Variants in PCDH9 observed in about 807,000 individuals in gnomAD.
The protein encoded by PCDH9 is protocadherin-9.
A neutral mutation model predicts 70.6 loss-of-function variants in PCDH9; 24 were observed. The observed-to-expected ratio is 0.34, with a 90% CI of 0.25 to 0.48. The LOEUF is 0.48. Among genes scored for constraint, PCDH9 ranks in the 20% least tolerant of loss-of-function variants. PCDH9 has a pLI of 0.99. For synonymous variants in PCDH9, 562 were observed against 558.5 expected, an observed-to-expected ratio of 1.01 and a Z score of -0.09; for missense variants, 1,281 against 1,503.6, an observed-to-expected ratio of 0.85 and a Z score of 2.45.
chr13:66,888,902 T>C (rs1249983063), intron 3 of PCDH9, among the ~76,000 whole-genome samples: 1 of 152,182 alleles, frequency 6.6e-6, no homozygotes, highest in East Asian at 1.9e-4. Flanking sequence ...AATAATTTTC[T>C]ATAATTGTGC....
rs1377608223 is a variant in PCDH9 at position 67,225,981 on chromosome 13, G to A, written c.2460C>T (p.Ile820=). ...EDYLTIMIAI[I]AGAMVVIVVI... The stretch of plus-strand genomic sequence containing the variant: ...CAACAATGACCACCATGGCACCGGC[G>A]ATGATGGCAATCATGATGGTTAGAT... Residue 820 remains isoleucine (I), a synonymous_variant, in exon 2 of 5, where the codon ATC becomes ATT. Coordinates refer to ENST00000377865, the MANE Select transcript of PCDH9 (RefSeq NM_203487.3). 1.2e-6 allele frequency: 2 copies of A among 1,613,886 alleles called. No individual in the cohort carries two copies. The highest frequency in any genetic ancestry group is 1.7e-6 in the Non-Finnish European group (2 of 1,179,816).
At chr13:66,408,370 T>C (rs7319122) in intron 4 of PCDH9, among the ~76,000 whole-genome samples, 54 of 152,328 alleles carry the variant, frequency 3.5e-4, no homozygotes, top group African/African-American at 1.2e-3. Context: ...CCCAATTTCC[T>C]TAACAGGGAT....
chr13:66,420,590 G>A (rs1277901683), intron 4 of PCDH9, among the ~76,000 whole-genome samples: 1 of 152,142 alleles, frequency 6.6e-6, no homozygotes, highest in Non-Finnish European at 1.5e-5. Flanking sequence ...GCACAAGAGA[G>A]GCCTGACTGT....
intron 4 of PCDH9, among the ~76,000 whole-genome samples, chr13:66,352,798 T>C (rs1049895427): frequency 1.3e-5 from 2 of 152,208 alleles, no homozygotes; most frequent in African/African-American, 4.8e-5. Flanking sequence ...TTATAAACAA[T>C]AGCTAAAAGT....
At chr13:66,528,841 G>A (rs1175396154) in intron 4 of PCDH9, among the ~76,000 whole-genome samples, 1 of 152,006 alleles carries the variant, frequency 6.6e-6, no homozygotes, top group Non-Finnish European at 1.5e-5. Flanking sequence ...CCAAATGAAT[G>A]CATCACTCTA....
chr13:67,087,086 G>GT (rs1490737244), intron 2 of PCDH9, among the ~76,000 whole-genome samples: 1 of 61,290 alleles, frequency 1.6e-5, no homozygotes, highest in Non-Finnish European at 3.2e-5. Flanking sequence ...TTGATGTTTT[G>GT]TAAAAAAAAA....
chr13:67,007,327 C>A (rs1237346547), intron 2 of PCDH9, among the ~76,000 whole-genome samples: 2 of 151,644 alleles, frequency 1.3e-5, no homozygotes, highest in South Asian at 2.1e-4. Flanking sequence ...TAAAAAAACA[C>A]AAATAGGTTC....
In PCDH9 at chr13:67,076,176, C is replaced by G. The variant is rs946980096; in HGVS notation, c.3036+149229G>C. On this transcript the variant is annotated intron_variant, in intron 2 of 4. Coordinates refer to ENST00000377865, the MANE Select transcript of PCDH9 (RefSeq NM_203487.3). Reference sequence around the variant, plus strand: ...TTGAGCACTTTCTATGTGCCAGACACTGCCCTAAATATTTTACTGTTATTA... The same window carrying G: ...TTGAGCACTTTCTATGTGCCAGACAGTGCCCTAAATATTTTACTGTTATTA... Among the ~76,000 whole-genome samples, 10 of 152,222 alleles carry G rather than the reference C, an allele frequency of 6.6e-5. No homozygotes were observed. The East Asian group carries it at 1.9e-3, about 29-fold the overall frequency.
chr13:67,021,063 G>A (rs2084664235), intron 2 of PCDH9, among the ~76,000 whole-genome samples: 1 of 152,046 alleles, frequency 6.6e-6, no homozygotes, highest in African/African-American at 2.4e-5. Context: ...TTCTTTGTGA[G>A]AAATAAAAGA....
intron 4 of PCDH9, among the ~76,000 whole-genome samples, chr13:66,357,733 CAAGGATATGCCTTGATT>C (rs1310525926): frequency 6.6e-6 from 1 of 151,936 alleles, no homozygotes; most frequent in Non-Finnish European, 1.5e-5. Flanking sequence ...CTTTGATTGC[CAAGGATATGCCTTGATT>C]AAAACCTATG....
At chr13:66,894,161 A>C (rs570875195) in intron 3 of PCDH9, among the ~76,000 whole-genome samples, 8 of 152,250 alleles carry the variant, frequency 5.3e-5, no homozygotes, top group Non-Finnish European at 1.2e-4. Context: ...CTAATTCCAA[A>C]ATTGAAGAAA....
At chr13:66,750,075 TCACACACACACGTGCATGTG>T (rs1294484172) in intron 3 of PCDH9, among the ~76,000 whole-genome samples, 1 of 151,906 alleles carries the variant, frequency 6.6e-6, no homozygotes, top group East Asian at 1.9e-4. Flanking sequence ...AATCTCTCTC[TCACACACACACGTGCATGTG>T]CACACACACA....
intron 2 of PCDH9, among the ~76,000 whole-genome samples, chr13:67,168,536 G>A (rs1218791990): frequency 6.6e-6 from 1 of 151,902 alleles, no homozygotes; most frequent in East Asian, 1.9e-4. Context: ...ACGCCAGCCT[G>A]GGCAACATAG....
chr13:66,583,400 C>T (rs768324596), intron 4 of PCDH9, among the ~76,000 whole-genome samples: 1 of 151,916 alleles, frequency 6.6e-6, no homozygotes, highest in Non-Finnish European at 1.5e-5. Context: ...ATCACGAGGT[C>T]AGGAGATTGA....
chr13:67,043,273 G>A (rs1185053151), intron 2 of PCDH9, among the ~76,000 whole-genome samples: 1 of 152,200 alleles, frequency 6.6e-6, no homozygotes, highest in Non-Finnish European at 1.5e-5. Flanking sequence ...GAAAGGCTGA[G>A]AGAGTGATTG....
At position 66,557,803 on chromosome 13, in the gene PCDH9, G is replaced by A. The variant is rs528570355; in HGVS notation, c.3340+73407C>T. Reference sequence around the variant, plus strand: ...TAGATGGAGAGTACTTATCAAGACTGGGATAGGATTGTATGCAAAGGTTAA... The same window carrying A: ...TAGATGGAGAGTACTTATCAAGACTAGGATAGGATTGTATGCAAAGGTTAA... On this transcript the variant is annotated intron_variant, in intron 4 of 4. Coordinates refer to ENST00000377865, the MANE Select transcript of PCDH9 (RefSeq NM_203487.3). 3.9e-5 allele frequency among the ~76,000 whole-genome samples: 6 copies of A among 152,284 alleles called. No individual in the cohort carries two copies. In the South Asian group the frequency reaches 1.2e-3, roughly 32 times the overall value.
intron 2 of PCDH9, among the ~76,000 whole-genome samples, chr13:66,999,879 T>C (rs1313458981): frequency 1.3e-5 from 2 of 152,192 alleles, no homozygotes; most frequent in Non-Finnish European, 2.9e-5. Flanking sequence ...ACTACACTGT[T>C]GGTGGGACTG....
At chr13:67,155,715 G>A (rs2087793761) in intron 2 of PCDH9, among the ~76,000 whole-genome samples, 1 of 151,962 alleles carries the variant, frequency 6.6e-6, no homozygotes, top group African/African-American at 2.4e-5. Flanking sequence ...TGTACAAAGA[G>A]GGGTAAAACA....
At chr13:66,316,265 T>C (rs865939104) in intron 4 of PCDH9, among the ~76,000 whole-genome samples, 1 of 152,164 alleles carries the variant, frequency 6.6e-6, no homozygotes, top group Non-Finnish European at 1.5e-5. Flanking sequence ...TGCCTGAAGG[T>C]CCTTTTTGTC....
Sources: gnomAD v4.1 joint callset for allele counts (sites outside exome capture counted in the v4.1 genomes callset) on GRCh38, gnomAD v4.1.1 for gene constraint, MANE v1.5 for transcripts, NCBI Gene and HGNC (gene_info 2026-07-23, HGNC 2026-07-21) for gene names.